SLC3A1: variants seen among roughly 807,000 people sequenced by gnomAD.
SLC3A1 encodes the protein amino acid transporter heavy chain SLC3A1.
A neutral mutation model predicts 60.3 loss-of-function variants in SLC3A1; 78 were observed. The observed-to-expected ratio is 1.29, with a 90% confidence interval of 1.08 to 1.56. The LOEUF is 1.56. Among genes scored for constraint, SLC3A1 ranks in the 40% most tolerant of loss-of-function variants. The pLI, the probability that SLC3A1 is intolerant of heterozygous loss-of-function variation, is 0.00. For synonymous variants in SLC3A1, 392 were observed against 307.9 expected (o/e 1.27, Z -2.86); for missense variants, 1,172 against 858.9 (o/e 1.36, Z -4.56).
chr2:44,301,317 A>G (rs1229645529), intron 6 of SLC3A1, 190 bp downstream of exon 6: 8 of 723,362 alleles, frequency 1.1e-5, no homozygotes, highest in East Asian at 2.7e-5. Context: ...GCTGACTTTC[A>G]GTTTCCTCTT....
chr2:44,296,626 A>G (rs924688102), intron 4 of SLC3A1, among the ~76,000 whole-genome samples: 2 of 152,340 alleles, frequency 1.3e-5, no homozygotes, highest in East Asian at 3.9e-4. Flanking sequence ...GTGAATTGAC[A>G]GGAGCAGTAT....
chr2:44,296,850 T>G (rs1192215773), intron 4 of SLC3A1, among the ~76,000 whole-genome samples: 1 of 152,194 alleles, frequency 6.6e-6, no homozygotes, highest in Non-Finnish European at 1.5e-5. Context: ...TCCTCCATCC[T>G]GTTCTCGTGA....
In SLC3A1 at chr2:44,321,193, G is replaced by T; in HGVS notation, c.*554G>T. On this transcript the variant is annotated 3_prime_UTR_variant, in exon 10 of 10. Transcript: ENST00000260649. Reference sequence around the variant, plus strand: ...TGCATCAATGGAGAGAATAGTATAAGCAAGTGAGATGTAGACTAAGCAAAA... The same window carrying T: ...TGCATCAATGGAGAGAATAGTATAATCAAGTGAGATGTAGACTAAGCAAAA... 1 of 632,910 alleles carries T rather than the reference G, an allele frequency of 1.6e-6. No individual in the cohort carries two copies. The highest frequency in any genetic ancestry group is 4.4e-4 in the Middle Eastern group (1 of 2,264). The allele number at this position is 632,910 out of a possible 1,614,324, so 39.2% of individuals were successfully genotyped here.
chr2:44,305,029 C>T (rs1271901483), intron 7 of SLC3A1, among the ~76,000 whole-genome samples: 1 of 151,896 alleles, frequency 6.6e-6, no homozygotes, highest in Non-Finnish European at 1.5e-5. Flanking sequence ...GGGAGTTTCA[C>T]CATGTTGGCC....
chr2:44,321,933 A>G (rs1156953691), downstream of SLC3A1: 2 of 1,588,756 alleles, frequency 1.3e-6, no homozygotes, highest in South Asian at 1.1e-5. Flanking sequence ...CAATTAGAAG[A>G]TTGTATGGGA....
chr2:44,283,278 T>C (rs1671541319), intron 3 of SLC3A1, among the ~76,000 whole-genome samples: 1 of 152,226 alleles, frequency 6.6e-6, no homozygotes, highest in Non-Finnish European at 1.5e-5. Flanking sequence ...GTTCAGTGAA[T>C]GGTACTACCA....
At chr2:44,290,572 C>T (rs1052974055) in intron 4 of SLC3A1, among the ~76,000 whole-genome samples, 2 of 152,094 alleles carry the variant, frequency 1.3e-5, no homozygotes, top group African/African-American at 4.8e-5. Context: ...GATGTCTTTC[C>T]ATTTATTTAC....
chr2:44,321,280 T>G lies in SLC3A1; in HGVS notation c.*641T>G. 13 of 1,222,738 alleles carry G rather than the reference T, an allele frequency of 1.1e-5. No homozygotes were observed. The highest frequency in any genetic ancestry group is 1.5e-5 in the Non-Finnish European group (13 of 866,634). The allele number at this position is 1,222,738 out of a possible 1,614,324, so 75.7% of individuals were successfully genotyped here. On this transcript the variant is annotated 3_prime_UTR_variant, in exon 10 of 10. Transcript: ENST00000260649. ...TTAAAAGTCTCAAGTTATTAATTTT[T>G]TTTTTGCTAACTCAATTGGAAGTAA... is the stretch of plus-strand genomic sequence containing the variant.
intron 6 of SLC3A1, among the ~76,000 whole-genome samples, chr2:44,302,048 C>G (rs370100018): frequency 1.6e-4 from 25 of 152,284 alleles, no homozygotes; most frequent in African/African-American, 6.0e-4. Flanking sequence ...GAGCAATACT[C>G]CATCTCAAGA....
At chr2:44,301,350 C>G (rs980472998) in intron 6 of SLC3A1, 5 of 628,940 alleles carry the variant, frequency 7.9e-6, no homozygotes, top group Admixed American at 7.7e-5. Flanking sequence ...GCAGATCACA[C>G]TACGTACTTC....
intron 4 of SLC3A1, among the ~76,000 whole-genome samples, chr2:44,287,269 G>A (rs1390643553): frequency 6.6e-6 from 1 of 152,110 alleles, no homozygotes; most frequent in Non-Finnish European, 1.5e-5. Context: ...TCTATATAAA[G>A]TGTGTAGGAG....
intron 6 of SLC3A1, 71 bp downstream of exon 6, chr2:44,301,198 A>G: frequency 6.3e-7 from 1 of 1,587,558 alleles, no homozygotes; most frequent in Non-Finnish European, 8.6e-7. Context: ...CCTCACAACC[A>G]AGTGTATTTG....
At chr2:44,301,725 C>A (rs1467767924) in intron 6 of SLC3A1, among the ~76,000 whole-genome samples, 1 of 116,080 alleles carries the variant, frequency 8.6e-6, no homozygotes. Context: ...GGCGACAGAG[C>A]GAGACTCCAT....
At chr2:44,316,701 T>C (rs1161253906) in intron 9 of SLC3A1, among the ~76,000 whole-genome samples, 2 of 152,168 alleles carry the variant, frequency 1.3e-5, no homozygotes, top group Non-Finnish European at 2.9e-5. Context: ...GGTTGAGAAT[T>C]GGACTAGCAT....
At chr2:44,292,391 T>C (rs993739239) in intron 4 of SLC3A1, among the ~76,000 whole-genome samples, 1 of 152,188 alleles carries the variant, frequency 6.6e-6, no homozygotes, top group Non-Finnish European at 1.5e-5. Flanking sequence ...TTATTGCACC[T>C]CCTCTATGCC....
At chr2:44,291,259 T>C (rs973163518) in intron 4 of SLC3A1, among the ~76,000 whole-genome samples, 1 of 152,234 alleles carries the variant, frequency 6.6e-6, no homozygotes, top group Non-Finnish European at 1.5e-5. Context: ...GGTTTACAGT[T>C]GGTTTATCAG....
At chr2:44,286,635 C>T (rs1671620549) in intron 4 of SLC3A1, among the ~76,000 whole-genome samples, 1 of 143,158 alleles carries the variant, frequency 7.0e-6, no homozygotes, top group Non-Finnish European at 1.5e-5. Context: ...TGTGACTGAG[C>T]TGTGCACTGT....
rs770466187 is a variant in SLC3A1, at chr2:44,315,428, T to A, written c.1617+1477T>A. Among the ~76,000 whole-genome samples the A allele has an allele frequency of 2.7e-5, 4 of 150,688 alleles. No homozygotes were observed. The South Asian group carries it at 6.3e-4, about 24-fold the overall frequency. On this transcript the variant is annotated intron_variant, in intron 9 of 9. Transcript: ENST00000260649. ...TTTTGGGAGGCAAAAGCCAGAGGAATGCTTGAGCACAGGAGTTTGAGACCA... is the reference window on the plus strand; with the variant it reads ...TTTTGGGAGGCAAAAGCCAGAGGAAAGCTTGAGCACAGGAGTTTGAGACCA...
chr2:44,312,148 T>G (rs78448229), intron 7 of SLC3A1, among the ~76,000 whole-genome samples: 4,034 of 152,280 alleles, frequency 0.026, 168 homozygotes, highest in African/African-American at 0.091. Context: ...TTTCTAAAAG[T>G]TGATTTACTT....
Sources: allele counts gnomAD v4.1 joint callset (sites outside exome capture counted in the v4.1 genomes callset), GRCh38; gene constraint gnomAD v4.1.1; transcripts MANE v1.5; gene names NCBI Gene and HGNC (gene_info 2026-07-23, HGNC 2026-07-21).